The following KIF6 variants were observed in gnomAD, a reference collection of about 807,000 sequenced individuals.
KIF6 encodes the protein kinesin-like protein KIF6.
In KIF6, 106 loss-of-function variants were observed where a neutral mutation model predicts 112.7. That is an observed-to-expected ratio of 0.94 (90% CI 0.80 to 1.11). The LOEUF is 1.11. Among genes scored for constraint, KIF6 ranks in the 50% least tolerant of loss-of-function variants. KIF6 has a pLI of 0.00. For missense variants in KIF6, 929 were observed against 964.0 expected, an observed-to-expected ratio of 0.96 and a Z score of 0.48; for synonymous variants, 339 against 339.9, an observed-to-expected ratio of 1.00 and a Z score of 0.03.
At chr6:39,445,627 C>T (rs1386890308) in intron 13 of KIF6, among the ~76,000 whole-genome samples, 1 of 152,146 alleles carries the variant, frequency 6.6e-6, no homozygotes, top group East Asian at 1.9e-4. Flanking sequence ...TCAAAGGTCA[C>T]GTGGTTCAGA....
At chr6:39,724,825 G>A (rs571981035) in intron 1 of KIF6, among the ~76,000 whole-genome samples, 7 of 152,292 alleles carry the variant, frequency 4.6e-5, no homozygotes, top group African/African-American at 1.7e-4. Flanking sequence ...TTGCTTGCAC[G>A]TTTTGCCCGA....
chr6:39,440,567 T>C (rs1429276098), intron 13 of KIF6, among the ~76,000 whole-genome samples: 1 of 152,122 alleles, frequency 6.6e-6, no homozygotes, highest in Non-Finnish European at 1.5e-5. Context: ...CCCTGTCTCC[T>C]TGGAATCCAG....
chr6:39,415,354 G>A (rs1375358001), intron 15 of KIF6, among the ~76,000 whole-genome samples: 2 of 131,024 alleles, frequency 1.5e-5, no homozygotes, highest in Non-Finnish European at 3.2e-5. Context: ...AATACATCCC[G>A]ACAACACAGA....
At chr6:39,364,383 T>C (rs1765401193) in intron 16 of KIF6, among the ~76,000 whole-genome samples, 2 of 152,170 alleles carry the variant, frequency 1.3e-5, no homozygotes, top group Non-Finnish European at 2.9e-5. Context: ...CCTCCTAAAG[T>C]GTTGGGATTA....
chr6:39,445,961 C>A (rs1772282780), intron 13 of KIF6, among the ~76,000 whole-genome samples: 1 of 152,182 alleles, frequency 6.6e-6, no homozygotes, highest in Non-Finnish European at 1.5e-5. Context: ...TATTCCCAGG[C>A]AGAGACCCAA....
At chr6:39,665,922 A>C (rs558607082) in intron 3 of KIF6, among the ~76,000 whole-genome samples, 1 of 152,292 alleles carries the variant, frequency 6.6e-6, no homozygotes, top group South Asian at 2.1e-4. Context: ...TATACAGACC[A>C]CAAATTTGAC....
At chr6:39,443,242 C>T (rs1352127234) in intron 13 of KIF6, among the ~76,000 whole-genome samples, 2 of 151,496 alleles carry the variant, frequency 1.3e-5, no homozygotes, top group Non-Finnish European at 2.9e-5. Flanking sequence ...TGACTGCTTC[C>T]AAAGGCCATG....
chr6:39,497,406 C>G (rs58321784), intron 13 of KIF6, among the ~76,000 whole-genome samples: 52 of 152,346 alleles, frequency 3.4e-4, no homozygotes, highest in African/African-American at 1.2e-3. Flanking sequence ...GTAAGAGTTT[C>G]AGGCTTCTGA....
intron 13 of KIF6, among the ~76,000 whole-genome samples, chr6:39,458,322 C>T (rs1482662919): frequency 7.3e-5 from 11 of 150,160 alleles, no homozygotes; most frequent in Non-Finnish European, 1.3e-4. Flanking sequence ...AATTCAACAA[C>T]TCTTCATGCT....
intron 13 of KIF6, among the ~76,000 whole-genome samples, chr6:39,497,664 C>A (rs571823804): frequency 6.6e-6 from 1 of 152,282 alleles, no homozygotes; most frequent in South Asian, 2.1e-4. Flanking sequence ...TCGATGGGGC[C>A]AGACCTCTAG....
chr6:39,444,511 A>T (rs76700039), intron 13 of KIF6, among the ~76,000 whole-genome samples: 5,288 of 152,160 alleles, frequency 0.035, 135 homozygotes, highest in African/African-American at 0.049. Flanking sequence ...AAGTACTGAG[A>T]ATCTACGCTA....
At position 39,507,182 on chromosome 6, in the gene KIF6, T is replaced by C. The variant is rs74320655; in HGVS notation, c.1645+32821A>G. Among the ~76,000 whole-genome samples, 24 of 152,206 alleles carry C rather than the reference T, an allele frequency of 1.6e-4. No homozygotes were observed. In the East Asian group the frequency reaches 4.6e-3, roughly 29 times the overall value. On this transcript the variant is annotated intron_variant, in intron 13 of 22. Transcript: ENST00000287152. The stretch of plus-strand genomic sequence containing the variant: ...ACTGGCATCAGAAGTGGTGGCAGTG[T>C]TGTGGGACTGAGCCCTTTAACTTGT...
intron 13 of KIF6, among the ~76,000 whole-genome samples, chr6:39,435,151 G>A (rs1771434828): frequency 6.6e-6 from 1 of 152,062 alleles, no homozygotes; most frequent in Non-Finnish European, 1.5e-5. Flanking sequence ...TGACAGAAAG[G>A]GCAAGGTGGT....
intron 13 of KIF6, among the ~76,000 whole-genome samples, chr6:39,494,592 C>T (rs912508646): frequency 2.0e-5 from 3 of 152,124 alleles, no homozygotes; most frequent in African/African-American, 7.2e-5. Context: ...ATTCTGAAAT[C>T]TTTCTCTAGA....
At chr6:39,486,690 T>C (rs1044151413) in intron 13 of KIF6, among the ~76,000 whole-genome samples, 1 of 152,242 alleles carries the variant, frequency 6.6e-6, no homozygotes, top group Admixed American at 6.5e-5. Flanking sequence ...AAGTTTAGCT[T>C]TGGATCCAGT....
chr6:39,504,531 T>C (rs1776330884), intron 13 of KIF6, among the ~76,000 whole-genome samples: 1 of 152,156 alleles, frequency 6.6e-6, no homozygotes, highest in Non-Finnish European at 1.5e-5. Context: ...GTAAAGGATA[T>C]TCAAATAGGA....
chr6:39,580,014 A>T (rs908700955), intron 9 of KIF6, among the ~76,000 whole-genome samples: 3 of 151,932 alleles, frequency 2.0e-5, no homozygotes, highest in Non-Finnish European at 1.5e-5. Flanking sequence ...TGTACATTTT[A>T]GACCCAACTT....
chr6:39,433,417 C>T (rs1248782081), intron 13 of KIF6, among the ~76,000 whole-genome samples: 1 of 152,118 alleles, frequency 6.6e-6, no homozygotes, highest in African/African-American at 2.4e-5. Context: ...CATGCATCGC[C>T]AACTTTCAAA....
At position 39,475,615 on chromosome 6, in the gene KIF6, C is replaced by T. The variant is rs1408910307; in HGVS notation, c.1646-44454G>A. Among the ~76,000 whole-genome samples, 4 of 152,274 alleles carry T rather than the reference C, an allele frequency of 2.6e-5. No homozygotes were observed. In the East Asian group the frequency reaches 7.7e-4, roughly 29 times the overall value. ...CTTTGCCTGTCCCCTTTTCTGCATA[C>T]CTGCAGAAAAGTGTGGGCTGTTGCT... On this transcript the variant is annotated intron_variant, in intron 13 of 22. Transcript: ENST00000287152.
Sources: allele counts gnomAD v4.1 joint callset (sites outside exome capture counted in the v4.1 genomes callset), GRCh38; gene constraint gnomAD v4.1.1; transcripts MANE v1.5; gene names NCBI Gene and HGNC (gene_info 2026-07-23, HGNC 2026-07-21).